PABPC4L: variants seen among roughly 807,000 people sequenced by gnomAD.
PABPC4L encodes the protein polyadenylate-binding protein 4-like.
For synonymous variants in PABPC4L, 169 were observed against 164.1 expected, an observed-to-expected ratio of 1.03 and a Z score of -0.23; for missense variants, 452 against 451.4, an observed-to-expected ratio of 1.00 and a Z score of -0.01.
the PABPC4L span, among the ~76,000 whole-genome samples, chr4:134,087,580 G>A: frequency 1.3e-5 from 2 of 152,148 alleles, no homozygotes; most frequent in Non-Finnish European, 2.9e-5. Flanking sequence ...TCTCTGGAGG[G>A]AGTCACAGAC....
the PABPC4L span, among the ~76,000 whole-genome samples, chr4:134,054,563 A>G: frequency 6.6e-6 from 1 of 151,782 alleles, no homozygotes; most frequent in African/African-American, 2.4e-5. Context: ...CCTGACAAGC[A>G]CTAAACTCTT....
the PABPC4L span, among the ~76,000 whole-genome samples, chr4:134,024,199 T>C: frequency 6.6e-6 from 1 of 152,150 alleles, no homozygotes; most frequent in Non-Finnish European, 1.5e-5. Flanking sequence ...CAGTTCTACT[T>C]AAAGATTCTG....
the PABPC4L span, among the ~76,000 whole-genome samples, chr4:134,154,857 G>A: frequency 6.6e-6 from 1 of 151,744 alleles, no homozygotes; most frequent in Non-Finnish European, 1.5e-5. Context: ...TAACATTTTT[G>A]TTGCTTAATT....
At chr4:134,028,706 A>G in the PABPC4L span, among the ~76,000 whole-genome samples, 2 of 152,170 alleles carry the variant, frequency 1.3e-5, no homozygotes, top group Non-Finnish European at 2.9e-5. Context: ...AATGAGCAAG[A>G]TAAAAAATTA....
At chr4:133,961,361 T>C in the PABPC4L span, among the ~76,000 whole-genome samples, 1 of 143,772 alleles carries the variant, frequency 7.0e-6, no homozygotes, top group Non-Finnish European at 1.5e-5. Context: ...TAGCTGGATT[T>C]CCTAGGCTGA....
At chr4:133,985,748 C>T in the PABPC4L span, among the ~76,000 whole-genome samples, 2 of 151,764 alleles carry the variant, frequency 1.3e-5, no homozygotes, top group African/African-American at 4.8e-5. Context: ...CTCTATTTTC[C>T]CTGTTCTAAT....
chr4:134,201,318 G>A, intron 1 of PABPC4L, 73 bp from the exon 2 acceptor site: 1 of 1,331,562 alleles, frequency 7.5e-7, no homozygotes, highest in South Asian at 1.4e-5. Flanking sequence ...AACTTCAAGT[G>A]GCGGGCTGGC....
the PABPC4L span, among the ~76,000 whole-genome samples, chr4:134,180,283 A>G: frequency 6.6e-6 from 1 of 152,084 alleles, no homozygotes; most frequent in Non-Finnish European, 1.5e-5. Context: ...TGGCTTTTGA[A>G]TGACTTTTGG....
chr4:134,182,271 C>G, the PABPC4L span, among the ~76,000 whole-genome samples: 2 of 151,878 alleles, frequency 1.3e-5, no homozygotes, highest in Non-Finnish European at 2.9e-5. Flanking sequence ...GACACATAGA[C>G]CAGTGGAACA....
the PABPC4L span, among the ~76,000 whole-genome samples, chr4:134,118,331 A>G: frequency 3.7e-3 from 567 of 151,988 alleles, 2 homozygotes; most frequent in African/African-American, 0.013. Context: ...TCACAGTTGA[A>G]TGTTACAGCT....
At chr4:134,042,026 C>A in the PABPC4L span, among the ~76,000 whole-genome samples, 2 of 152,160 alleles carry the variant, frequency 1.3e-5, no homozygotes, top group Admixed American at 1.3e-4. Flanking sequence ...TGCTCATCAA[C>A]AAATGAGTGG....
chr4:133,985,690 A>C, the PABPC4L span, among the ~76,000 whole-genome samples: 1 of 152,160 alleles, frequency 6.6e-6, no homozygotes. Context: ...GTCAGGTAGT[A>C]AAATTGCTTG....
chr4:134,020,971 G>A, the PABPC4L span, among the ~76,000 whole-genome samples: 4 of 151,818 alleles, frequency 2.6e-5, no homozygotes, highest in Admixed American at 1.3e-4. Flanking sequence ...ACTTCATTTG[G>A]GCACACAAGA....
chr4:134,007,882 G>A, the PABPC4L span, among the ~76,000 whole-genome samples: 2 of 151,574 alleles, frequency 1.3e-5, no homozygotes, highest in South Asian at 4.1e-4. Flanking sequence ...ATTATTAAAG[G>A]AGATAAACTG....
At chr4:134,022,281 T>C in the PABPC4L span, among the ~76,000 whole-genome samples, 2 of 152,264 alleles carry the variant, frequency 1.3e-5, no homozygotes, top group South Asian at 4.1e-4. Flanking sequence ...TACTCGGTAC[T>C]CAAATACATT....
chr4:134,188,514 T>C, the PABPC4L span, among the ~76,000 whole-genome samples: 1 of 152,114 alleles, frequency 6.6e-6, no homozygotes, highest in African/African-American at 2.4e-5. Context: ...TCTCAATTTT[T>C]TTTGGTTTGA....
the PABPC4L span, among the ~76,000 whole-genome samples, chr4:134,086,153 T>C: frequency 4.6e-5 from 7 of 152,078 alleles, no homozygotes; most frequent in African/African-American, 1.7e-4. Context: ...GGCATTTTCC[T>C]GGTAATGTAA....
the PABPC4L span, among the ~76,000 whole-genome samples, chr4:134,037,107 T>C: frequency 6.6e-6 from 1 of 151,984 alleles, no homozygotes; most frequent in Admixed American, 6.6e-5. Flanking sequence ...ATTATTTTCG[T>C]ATAGGATTGC....
At chr4:133,992,148 C>T in the PABPC4L span, among the ~76,000 whole-genome samples, 1 of 152,150 alleles carries the variant, frequency 6.6e-6, no homozygotes, top group Non-Finnish European at 1.5e-5. Flanking sequence ...TGGGATGTGG[C>T]TATGAAATTG....
Sources: allele counts gnomAD v4.1 joint callset (sites outside exome capture counted in the v4.1 genomes callset), GRCh38; gene constraint gnomAD v4.1.1; transcripts MANE v1.5; gene names NCBI Gene and HGNC (gene_info 2026-07-23, HGNC 2026-07-21).